UBR2: variants seen among roughly 807,000 people sequenced by gnomAD.
UBR2 encodes the protein E3 ubiquitin-protein ligase UBR2.
A neutral mutation model predicts 247.9 loss-of-function variants in UBR2; 92 were observed. The ratio of observed to expected loss-of-function variants is 0.37; its 90% confidence interval spans 0.31 to 0.44. The LOEUF is 0.44. Ranked by LOEUF, UBR2 falls within the 20% of genes least tolerant of loss-of-function variation. The pLI, the probability that UBR2 is intolerant of heterozygous loss-of-function variation, is 1.00. For synonymous variants in UBR2, 672 were observed against 693.5 expected (o/e 0.97, Z 0.49); for missense variants, 1,613 against 2,112.6 (o/e 0.76, Z 4.64).
intron 40 of UBR2, among the ~76,000 whole-genome samples, chr6:42,678,163 C>T (rs1269317680): frequency 1.3e-5 from 2 of 152,092 alleles, no homozygotes; most frequent in African/African-American, 2.4e-5. Context: ...AGCGAAACCC[C>T]GTCTCTACTA....
At chr6:42,640,057 T>A in intron 15 of UBR2, 152 bp from the exon 16 acceptor site, 2 of 623,446 alleles carry the variant, frequency 3.2e-6, no homozygotes, top group Non-Finnish European at 5.4e-6. Flanking sequence ...AAGCCTCTTA[T>A]GAATATAGAT....
chr6:42,619,086 T>G (rs935501375), intron 11 of UBR2, among the ~76,000 whole-genome samples: 4 of 152,128 alleles, frequency 2.6e-5, no homozygotes, highest in African/African-American at 9.7e-5. Flanking sequence ...ACCACAGTTG[T>G]AATAATTATT....
In UBR2 at chr6:42,629,563, G is replaced by A. The variant is rs373144863; in HGVS notation, c.1282-2989G>A. Among the ~76,000 whole-genome samples the A allele has an allele frequency of 6.6e-5, 10 of 152,102 alleles. No homozygotes were observed. The East Asian group carries it at 1.6e-3, about 24-fold the overall frequency. ...TCCTAGCTACTTAGGAGGCTGAGGT[G>A]GGAGGATTACTTGAACCCTGGAGGA... On this transcript the variant is annotated intron_variant, in intron 11 of 46. Transcript: ENST00000372901.
intron 36 of UBR2, among the ~76,000 whole-genome samples, chr6:42,671,583 G>T: frequency 6.6e-6 from 1 of 152,040 alleles, no homozygotes; most frequent in Non-Finnish European, 1.5e-5. Flanking sequence ...ATCATTTTGC[G>T]TGGGCATTTT....
In UBR2 at chr6:42,665,448, G is replaced by T. The variant is rs1473878417; in HGVS notation, c.3738G>T (p.Trp1246Cys). 1 of 1,613,100 alleles carries T rather than the reference G, an allele frequency of 6.2e-7. No homozygotes were observed. Among genetic ancestry groups the T allele is most frequent in the Non-Finnish European group, 8.5e-7 (1 of 1,179,598 alleles). ...NFSDQPNLTQ[W>C]IRTISQQIKA... ...CAGACCAACCAAATCTGACTCAGTG[G>T]ATTAGAACAATATCTCAGCAAATAA... Residue 1246 changes from tryptophan to cysteine, a missense_variant, in exon 33 of 47, where the codon TGG (tryptophan) becomes TGT (cysteine). Trp to Cys is a radical substitution (Grantham distance 215, BLOSUM62 -2). Around this residue, in one of 3 missense-constraint regions of UBR2, gnomAD observed 1,524 missense variants for 1,967.3 expected, o/e 0.77. Coordinates refer to ENST00000372901, the MANE Select transcript of UBR2 (RefSeq NM_001363705.2).
intron 11 of UBR2, chr6:42,620,395 A>G (rs963348284): frequency 4.0e-5 from 6 of 151,402 alleles, no homozygotes; most frequent in African/African-American, 1.5e-4. Flanking sequence ...AGAGTTTTTC[A>G]TAGATTCTGC....
At chr6:42,566,237 G>C (rs992349725) in intron 1 of UBR2, among the ~76,000 whole-genome samples, 2 of 152,022 alleles carry the variant, frequency 1.3e-5, no homozygotes, top group Admixed American at 1.3e-4. Context: ...AAAGTAGTGC[G>C]GGAGGCCAGT....
At chr6:42,644,645 CTT>C in intron 20 of UBR2, 109 bp downstream of exon 20, 1 of 839,032 alleles carries the variant, frequency 1.2e-6, no homozygotes, top group Middle Eastern at 3.6e-4. Flanking sequence ...GATGCTCAGT[CTT>C]AGGGGAAGAG....
chr6:42,577,126 C>T (rs1476666939), intron 2 of UBR2, among the ~76,000 whole-genome samples: 1 of 152,116 alleles, frequency 6.6e-6, no homozygotes, highest in Non-Finnish European at 1.5e-5. Flanking sequence ...TAGGTGTTTC[C>T]ATGAAACCCA....
chr6:42,614,215 TATACACACACACACACAC>T (rs1562310868), intron 8 of UBR2, among the ~76,000 whole-genome samples: 1 of 50,064 alleles, frequency 2.0e-5, no homozygotes, highest in African/African-American at 6.6e-5. Context: ...ACTATATATA[TATACACACACACACACAC>T]ACACACACAC....
chr6:42,645,535 A>G lies in UBR2; in HGVS notation c.2354A>G (p.Gln785Arg). The G allele has an allele frequency of 1.2e-6, 2 of 1,613,710 alleles. No individual in the cohort carries two copies. Among genetic ancestry groups the G allele is most frequent in the African/African-American group, 1.3e-5 (1 of 75,040 alleles). The change falls in exon 21 of 47, where the codon CAG (glutamine) becomes CGG (arginine). Residue 785 changes from glutamine to arginine, a missense_variant. Around this residue, in one of 3 missense-constraint regions of UBR2, gnomAD observed 1,524 missense variants for 1,967.3 expected, o/e 0.77. Coordinates refer to ENST00000372901, the MANE Select transcript of UBR2 (RefSeq NM_001363705.2). ...GAAATCAAGCGAGAGATTATCCATC[A>G]GTTGAGTATCAAGCCTATGGCTCAT... ...TDEIKREIIHQLSIKPMAHSE... is the reference protein window; with the variant it reads ...TDEIKREIIHRLSIKPMAHSE...
intron 2 of UBR2, among the ~76,000 whole-genome samples, chr6:42,586,366 CAAAACTT>C (rs1276279759): frequency 1.3e-5 from 2 of 152,040 alleles, no homozygotes; most frequent in Non-Finnish European, 2.9e-5. Context: ...TCTCAACAAA[CAAAACTT>C]GAAACTTGTT....
intron 5 of UBR2, 103 bp from the exon 6 acceptor site, chr6:42,605,618 A>G (rs1342446079): frequency 3.0e-6 from 3 of 1,016,122 alleles, no homozygotes; most frequent in Non-Finnish European, 4.2e-6. Flanking sequence ...ATATGTGTCC[A>G]GTACCTAGCA....
rs778666806 is a variant in UBR2, at chr6:42,688,395, C to T, written c.5024+9C>T. The T allele has an allele frequency of 6.2e-7, 1 of 1,611,702 alleles. No homozygotes were observed. Among genetic ancestry groups the T allele is most frequent in the Non-Finnish European group, 8.5e-7 (1 of 1,179,422 alleles). On this transcript the variant is annotated intron_variant, in intron 45 of 46. Transcript: ENST00000372901. ...GTGGGCATCTTCCTGAGGTAAGGAC[C>T]TGCAGGGGCTTTTTAGCTTTGGATC...
At chr6:42,607,047 G>A (rs1227073042) in intron 7 of UBR2, among the ~76,000 whole-genome samples, 2 of 152,052 alleles carry the variant, frequency 1.3e-5, no homozygotes, top group Non-Finnish European at 2.9e-5. Context: ...ATAGCAAGTA[G>A]TGTATCATCT....
At chr6:42,585,966 A>G (rs1001580280) in intron 2 of UBR2, among the ~76,000 whole-genome samples, 2 of 152,174 alleles carry the variant, frequency 1.3e-5, no homozygotes, top group African/African-American at 4.8e-5. Flanking sequence ...TTAGAAGTGC[A>G]TTGCTAAACT....
At chr6:42,648,847 T>C (rs950728043) in intron 22 of UBR2, among the ~76,000 whole-genome samples, 2 of 152,184 alleles carry the variant, frequency 1.3e-5, no homozygotes, top group Non-Finnish European at 2.9e-5. Flanking sequence ...GGAACACATA[T>C]TTATAACAAA....
intron 8 of UBR2, among the ~76,000 whole-genome samples, chr6:42,614,252 A>T (rs1369596408): frequency 6.9e-6 from 1 of 144,416 alleles, no homozygotes; most frequent in Non-Finnish European, 1.5e-5. Context: ...ACACGCGCGC[A>T]CATATATATA....
chr6:42,679,630 C>CTT, intron 41 of UBR2, 94 bp from the exon 42 acceptor site: 1 of 917,900 alleles, frequency 1.1e-6, no homozygotes, highest in Non-Finnish European at 1.7e-6. Context: ...GGAAGTCTTT[C>CTT]ATCCTTTTTT....
Sources: allele counts gnomAD v4.1 joint callset (sites outside exome capture counted in the v4.1 genomes callset), GRCh38; gene constraint gnomAD v4.1.1; regional missense constraint gnomAD v4.1.1; transcripts MANE v1.5; gene names NCBI Gene and HGNC (gene_info 2026-07-23, HGNC 2026-07-21).